GLI3: variants seen among roughly 807,000 people sequenced by gnomAD.
GLI3 encodes the protein transcription activator GLI3.
In GLI3, 20 loss-of-function variants were observed where a neutral mutation model predicts 100.8. The observed-to-expected ratio is 0.20, with a 90% CI of 0.14 to 0.29. The LOEUF is 0.29. Among genes scored for constraint, GLI3 ranks in the 10% least tolerant of loss-of-function variants. GLI3 has a pLI of 1.00. For synonymous variants in GLI3, 938 were observed against 860.5 expected, an observed-to-expected ratio of 1.09 and a Z score of -1.58; for missense variants, 2,040 against 2,128.5, an observed-to-expected ratio of 0.96 and a Z score of 0.82.
intron 10 of GLI3, among the ~76,000 whole-genome samples, chr7:41,985,851 C>T (rs1020994208): frequency 6.6e-6 from 1 of 151,984 alleles, no homozygotes; most frequent in African/African-American, 2.4e-5. Flanking sequence ...TGAAATAGGC[C>T]TTATATATCA....
intron 1 of GLI3, among the ~76,000 whole-genome samples, chr7:42,236,125 G>A (rs1386048944): frequency 4.6e-5 from 7 of 152,046 alleles, no homozygotes; most frequent in Non-Finnish European, 7.4e-5. Context: ...GGTGCGGGGT[G>A]GAGCGTCCGC....
In GLI3 at chr7:42,076,814, A is replaced by G. The variant is rs200203051; in HGVS notation, c.411T>C (p.Ile137=). Residue 137 remains isoleucine, a synonymous_variant, in exon 4 of 15, where the codon ATT becomes ATC. Transcript: ENST00000395925. ...LFPAFHPPVP[I]DARHHEGRYH... ...AACGGCCCTCATGATGTCTGGCATC[A>G]ATTGGTACAGGAGGATGGAAGGCAG... is the stretch of plus-strand genomic sequence containing the variant. 4.6e-5 allele frequency: 75 copies of G among 1,613,468 alleles called. No homozygotes were observed. Among genetic ancestry groups the G allele is most frequent in the Non-Finnish European group, 6.0e-5 (71 of 1,179,454 alleles).
chr7:42,197,654 C>A (rs1349965656), intron 2 of GLI3, among the ~76,000 whole-genome samples: 2 of 152,216 alleles, frequency 1.3e-5, no homozygotes, highest in Non-Finnish European at 2.9e-5. Flanking sequence ...ACCTGAAATT[C>A]ACCACTTTGC....
intron 10 of GLI3, among the ~76,000 whole-genome samples, chr7:41,981,673 C>T (rs968639269): frequency 2.0e-5 from 3 of 152,178 alleles, no homozygotes; most frequent in Non-Finnish European, 2.9e-5. Flanking sequence ...GAGGCCTGTG[C>T]CTCGCTGCTG....
chr7:42,137,570 C>T (rs1174440983), intron 3 of GLI3, among the ~76,000 whole-genome samples: 1 of 152,150 alleles, frequency 6.6e-6, no homozygotes, highest in African/African-American at 2.4e-5. Context: ...AAGGCTTTCC[C>T]TGCCCCACCC....
Position 41,968,006 on chromosome 7 carries a change from C to A in GLI3, c.2104-83G>T, listed in dbSNP as rs970953980. 67 of 1,046,050 alleles carry A rather than the reference C, an allele frequency of 6.4e-5. No individual in the cohort carries two copies. The Middle Eastern group carries it at 7.6e-4, about 12-fold the overall frequency. 64.8% of individuals were successfully genotyped at this position (1,046,050 alleles called of 1,614,324 possible). A position where few individuals can be genotyped will look rare whatever the true frequency, so the allele number is the denominator to read the frequency against. On this transcript the variant is annotated intron_variant, in intron 13 of 14. Transcript: ENST00000395925. ...GCCAATAATGAGAGCTCATGCATAT[C>A]GAGATCTTCAAGATCATCAGTTGGT...
intron 1 of GLI3, among the ~76,000 whole-genome samples, chr7:42,260,027 A>G (rs746085714): frequency 2.4e-4 from 37 of 152,204 alleles, no homozygotes; most frequent in Admixed American, 4.6e-4. Context: ...GAAATTTACC[A>G]TGAGAAAATG....
intron 7 of GLI3, among the ~76,000 whole-genome samples, chr7:42,032,547 T>C (rs1789322948): frequency 6.6e-6 from 1 of 152,180 alleles, no homozygotes; most frequent in Admixed American, 6.5e-5. Flanking sequence ...TCAAATCAAA[T>C]GGATAAAACC....
At chr7:42,198,751 T>G (rs947901020) in intron 2 of GLI3, among the ~76,000 whole-genome samples, 2 of 151,770 alleles carry the variant, frequency 1.3e-5, no homozygotes, top group Non-Finnish European at 2.9e-5. Flanking sequence ...CTCCTTGAGA[T>G]GCATATGCAC....
intron 3 of GLI3, among the ~76,000 whole-genome samples, chr7:42,119,088 C>A (rs1055866077): frequency 6.6e-6 from 1 of 152,138 alleles, no homozygotes; most frequent in African/African-American, 2.4e-5. Context: ...CAAGGCTCAG[C>A]CAAGGGAAGG....
chr7:42,210,746 A>C (rs1184118907), intron 2 of GLI3, among the ~76,000 whole-genome samples: 16 of 152,126 alleles, frequency 1.1e-4, no homozygotes. Context: ...CTCTCCTTAC[A>C]ATCTGTTGTT....
chr7:42,101,960 T>A (rs1232776881), intron 3 of GLI3, among the ~76,000 whole-genome samples: 4 of 150,630 alleles, frequency 2.7e-5, no homozygotes, highest in African/African-American at 9.9e-5. Flanking sequence ...CTTGCAATAG[T>A]TTACTGAGAA....
intron 10 of GLI3, among the ~76,000 whole-genome samples, chr7:41,985,358 C>T (rs1345112430): frequency 6.6e-6 from 1 of 152,174 alleles, no homozygotes; most frequent in East Asian, 1.9e-4. Flanking sequence ...TAATTTGAAA[C>T]TTCTGTGGGA....
intron 10 of GLI3, among the ~76,000 whole-genome samples, chr7:41,996,802 T>C (rs944451288): frequency 6.6e-6 from 1 of 152,222 alleles, no homozygotes; most frequent in African/African-American, 2.4e-5. Context: ...CTGGATTTTA[T>C]GCATGCTTGG....
At chr7:42,153,365 A>G (rs1786921950) in intron 2 of GLI3, among the ~76,000 whole-genome samples, 1 of 152,208 alleles carries the variant, frequency 6.6e-6, no homozygotes, top group African/African-American at 2.4e-5. Flanking sequence ...TGCTCATTAA[A>G]TGAACAATTG....
rs555314138 is a variant in GLI3 at position 42,084,751 on chromosome 7, C to T, written c.368-7894G>A. Among the ~76,000 whole-genome samples, 7 of 152,138 alleles carry T rather than the reference C, an allele frequency of 4.6e-5. 1 individual carries two copies. The highest frequency in any genetic ancestry group is 1.7e-4 in the African/African-American group (7 of 41,512). The stretch of plus-strand genomic sequence containing the variant: ...ACAAATCTGTTTACTTTGAAATATG[C>T]TAATGGTGTATTTTCAGTGACAATA... On this transcript the variant is annotated intron_variant, in intron 3 of 14. Coordinates refer to ENST00000395925, the MANE Select transcript of GLI3 (RefSeq NM_000168.6).
upstream of GLI3, among the ~76,000 whole-genome samples, chr7:42,239,597 A>T (rs761241167): frequency 1.1e-4 from 16 of 152,220 alleles, no homozygotes; most frequent in Non-Finnish European, 2.1e-4. Context: ...ACAGCCAATA[A>T]ATCATCAAAT....
chr7:42,131,466 A>G (rs1275629815), intron 3 of GLI3, among the ~76,000 whole-genome samples: 2 of 152,246 alleles, frequency 1.3e-5, no homozygotes, highest in Non-Finnish European at 2.9e-5. Context: ...TGGGTGATTT[A>G]AGAATTTAGA....
chr7:42,172,664 G>T, intron 2 of GLI3: 2 of 701,832 alleles, frequency 2.8e-6, no homozygotes, highest in Non-Finnish European at 5.2e-6. Context: ...TCCAGCCTCT[G>T]GCCTGGGCCT....
Sources: gnomAD v4.1 joint callset for allele counts (sites outside exome capture counted in the v4.1 genomes callset) on GRCh38, gnomAD v4.1.1 for gene constraint, MANE v1.5 for transcripts, NCBI Gene and HGNC (gene_info 2026-07-23, HGNC 2026-07-21) for gene names.